The following ENPP3 variants were observed in gnomAD, a reference collection of about 807,000 sequenced individuals.
ENPP3 encodes the protein ectonucleotide pyrophosphatase/phosphodiesterase 3.
ENPP3 carries 104 observed loss-of-function variants against 117.8 expected under a neutral mutation model. That is an observed-to-expected ratio of 0.88 (90% CI 0.75 to 1.04). The LOEUF (loss-of-function observed/expected upper bound fraction) is 1.04, where lower values mean the gene tolerates loss of function less well. Ranked by LOEUF, ENPP3 falls within the 50% of genes least tolerant of loss-of-function variation. The pLI is 0.00. For synonymous variants in ENPP3, 380 were observed against 349.9 expected (o/e 1.09, Z -0.96); for missense variants, 1,026 against 1,051.9 (o/e 0.98, Z 0.34).
At chr6:131,677,773 A>G (rs1778901886) in intron 10 of ENPP3, 95 bp from the exon 11 acceptor site, 1 of 779,646 alleles carries the variant, frequency 1.3e-6, no homozygotes, top group Non-Finnish European at 2.2e-6. Flanking sequence ...AGAAAAGGCA[A>G]TGGCTAGCAA....
At chr6:131,720,258 A>T in intron 16 of ENPP3, 34 bp from the exon 17 acceptor site, 1 of 1,304,954 alleles carries the variant, frequency 7.7e-7, no homozygotes, top group Non-Finnish European at 1.1e-6. Flanking sequence ...TTTGGATGAC[A>T]TCTAATAATA....
chr6:131,733,878 A>G (rs965915728), intron 21 of ENPP3, among the ~76,000 whole-genome samples, 155 bp downstream of exon 21: 2 of 152,240 alleles, frequency 1.3e-5, no homozygotes, highest in Non-Finnish European at 2.9e-5. Flanking sequence ...CCAGAGCAGC[A>G]CAGCGGCTGT....
In ENPP3 at chr6:131,701,448, A is replaced by G. The variant is rs544480565; in HGVS notation, c.1412+7824A>G. 38 of 1,198,006 alleles carry G rather than the reference A, an allele frequency of 3.2e-5. 1 individual carries two copies. The South Asian group carries it at 5.2e-4, about 17-fold the overall frequency. 74.2% of individuals were successfully genotyped at this position (1,198,006 alleles called of 1,614,324 possible). A position where few individuals can be genotyped will look rare whatever the true frequency, so the allele number is the denominator to read the frequency against. On this transcript the variant is annotated intron_variant, in intron 15 of 24. Transcript: ENST00000357639. ...AAGTTAATGCTCATGGTTTAGGAGA[A>G]GTGTTTAAAAACAGATTCATTTTAA... is the stretch of plus-strand genomic sequence containing the variant.
intron 7 of ENPP3, among the ~76,000 whole-genome samples, chr6:131,673,420 CTTAGCAAACTAT>C (rs983875841): frequency 4.6e-5 from 7 of 152,098 alleles, no homozygotes; most frequent in African/African-American, 1.7e-4. Context: ...GACTATCATC[CTTAGCAAACTAT>C]ATACCACACA....
intron 20 of ENPP3, among the ~76,000 whole-genome samples, chr6:131,729,507 T>A (rs1049076760): frequency 2.0e-5 from 3 of 152,180 alleles, no homozygotes; most frequent in Admixed American, 6.5e-5. Flanking sequence ...TCCAGTAAGA[T>A]TTTGAGAGCT....
intron 10 of ENPP3, 45 bp downstream of exon 10, chr6:131,676,846 T>A: frequency 7.9e-7 from 1 of 1,265,950 alleles, no homozygotes; most frequent in Non-Finnish European, 1.1e-6. Flanking sequence ...GGCATATATA[T>A]GGGTAAAAAA....
intron 10 of ENPP3, among the ~76,000 whole-genome samples, chr6:131,677,228 T>A (rs1370212973): frequency 6.6e-6 from 1 of 152,120 alleles, no homozygotes; most frequent in Non-Finnish European, 1.5e-5. Flanking sequence ...CAGTGATATC[T>A]CTCTCAAAAA....
intron 5 of ENPP3, among the ~76,000 whole-genome samples, chr6:131,656,733 C>T (rs1778392935): frequency 6.6e-6 from 1 of 150,770 alleles, no homozygotes. Context: ...GGCCACTGCA[C>T]TCCAGCCTGG....
rs1459678696 is a variant in ENPP3 at position 131,746,853 on chromosome 6, T to C, written c.2525T>C (p.Val842Ala). 1.2e-6 allele frequency: 2 copies of C among 1,613,492 alleles called. No individual in the cohort carries two copies. The highest frequency in any genetic ancestry group is 2.7e-5 in the African/African-American group (2 of 74,912). The change falls in exon 25 of 25, where the codon GTA (valine) becomes GCA (alanine). Residue 842 changes from valine to alanine, a missense_variant. Physicochemically the swap from Val to Ala is moderately conservative, Grantham distance 64. Transcript: ENST00000357639. The part of the protein sequence containing the change: ...FTAHIARVRD[V>A]ELLTGLDFYQ... Reference sequence around the variant, plus strand: ...GCTCACATTGCCCGGGTCCGTGATGTAGAACTTCTCACTGGGCTTGACTTC... The same window carrying C: ...GCTCACATTGCCCGGGTCCGTGATGCAGAACTTCTCACTGGGCTTGACTTC...
chr6:131,717,312 CGAG>C (rs1363228773), intron 15 of ENPP3, among the ~76,000 whole-genome samples: 6 of 146,536 alleles, frequency 4.1e-5, no homozygotes, highest in Non-Finnish European at 5.9e-5. Flanking sequence ...TGTTGTTAGT[CGAG>C]TCGAGTTTGT....
intron 17 of ENPP3, among the ~76,000 whole-genome samples, chr6:131,721,652 A>T (rs1780035615): frequency 6.6e-6 from 1 of 150,782 alleles, no homozygotes; most frequent in African/African-American, 2.5e-5. Context: ...AGCTCTCCTA[A>T]TATTAAGCAA....
chr6:131,726,577 G>T (rs1306105412), intron 20 of ENPP3, among the ~76,000 whole-genome samples: 2 of 152,316 alleles, frequency 1.3e-5, no homozygotes, highest in South Asian at 4.1e-4. Context: ...AAAGGGCTTT[G>T]TATTTATTTG....
At chr6:131,692,012 TC>T (rs1211895991) in intron 14 of ENPP3, among the ~76,000 whole-genome samples, 9 of 152,208 alleles carry the variant, frequency 5.9e-5, no homozygotes, top group Non-Finnish European at 1.3e-4. Context: ...CTCTCCTTGC[TC>T]TCCCATTGTC....
chr6:131,676,807 G>A lies in ENPP3; in HGVS notation c.938+6G>A. 6.3e-7 allele frequency: 1 copy of A among 1,598,584 alleles called. No homozygotes were observed. The highest frequency in any genetic ancestry group is 8.6e-7 in the Non-Finnish European group (1 of 1,166,342). The stretch of plus-strand genomic sequence containing the variant: ...GACCTGCCCAAAGCTGAAAGGTAAT[G>A]TCTAGTGTCAGAAAAGTGCTGGCAT... On this transcript the variant is annotated splice_donor_region_variant and intron_variant, in intron 10 of 24. Coordinates refer to ENST00000357639, the MANE Select transcript of ENPP3 (RefSeq NM_005021.5).
At chr6:131,666,526 ATCTTTCATCACT>A (rs1157585419) in intron 6 of ENPP3, among the ~76,000 whole-genome samples, 10 of 152,084 alleles carry the variant, frequency 6.6e-5, no homozygotes, top group South Asian at 4.2e-4. Flanking sequence ...AGTTCTCTTA[ATCTTTCATCACT>A]TCTTTCCATT....
At chr6:131,724,756 G>T (rs949370527) in intron 19 of ENPP3, among the ~76,000 whole-genome samples, 3 of 152,084 alleles carry the variant, frequency 2.0e-5, no homozygotes, top group Non-Finnish European at 4.4e-5. Flanking sequence ...GTTATTCCAT[G>T]GCATGAATAG....
At chr6:131,665,153 T>C (rs993152222) in intron 6 of ENPP3, among the ~76,000 whole-genome samples, 1 of 152,200 alleles carries the variant, frequency 6.6e-6, no homozygotes, top group Non-Finnish European at 1.5e-5. Flanking sequence ...TTTGGTTTGC[T>C]AGTATTTTGT....
chr6:131,722,314 A>C lies in ENPP3; in HGVS notation c.1655A>C (p.His552Pro), dbSNP rs776312909. The C allele has an allele frequency of 3.7e-6, 6 of 1,613,920 alleles. No homozygotes were observed. The African/African-American group carries it at 6.7e-5, about 18-fold the overall frequency. The change falls in exon 18 of 25, where the codon CAT (histidine) becomes CCT (proline). Residue 552 changes from histidine (H) to proline (P), a missense_variant. By Grantham distance (77) the His-to-Pro change is moderately conservative. Coordinates refer to ENST00000357639, the MANE Select transcript of ENPP3 (RefSeq NM_005021.5). ...AAGGTGCCTTTTTATGAGCCATCCC[A>C]TGCAGAGGAGGTGTCAAAGTTTTCT... Reference protein sequence around the residue: ...LLKVPFYEPSHAEEVSKFSVC... With the variant: ...LLKVPFYEPSPAEEVSKFSVC...
chr6:131,668,592 T>A (rs1252065088), intron 6 of ENPP3, among the ~76,000 whole-genome samples: 1 of 152,186 alleles, frequency 6.6e-6, no homozygotes. Context: ...TTCTTATAGT[T>A]CCTAGTTACT....
Sources: gnomAD v4.1 joint callset for allele counts (sites outside exome capture counted in the v4.1 genomes callset) on GRCh38, gnomAD v4.1.1 for gene constraint, MANE v1.5 for transcripts, NCBI Gene and HGNC (gene_info 2026-07-23, HGNC 2026-07-21) for gene names.